Variants in ATG10 observed in about 807,000 individuals in gnomAD.
The protein encoded by ATG10 is autophagy related 10, also known as ubiquitin-like-conjugating enzyme ATG10.
Under a neutral mutation model 32.1 loss-of-function variants are expected in ATG10, and 30 were observed. The ratio of observed to expected loss-of-function variants is 0.94; its 90% CI spans 0.70 to 1.27. The LOEUF (loss-of-function observed/expected upper bound fraction) is 1.27, where lower values mean the gene tolerates loss of function less well. Ranked by LOEUF, ATG10 falls within the 50% of genes most tolerant of loss-of-function variation. The probability of loss-of-function intolerance (pLI) is 0.00; values close to 1 mark genes in which losing one functional copy is unlikely to be tolerated. For missense variants in ATG10, 233 were observed against 262.3 expected (o/e 0.89, Z 0.77); for synonymous variants, 87 against 91.5 (o/e 0.95, Z 0.28).
chr5:82,174,656 G>A (rs1743940076), intron 4 of ATG10, among the ~76,000 whole-genome samples: 1 of 152,154 alleles, frequency 6.6e-6, no homozygotes. Flanking sequence ...CAGTTCCATT[G>A]ACAGAATTAC....
intron 1 of ATG10, among the ~76,000 whole-genome samples, chr5:81,986,983 C>T (rs1224854961): frequency 6.6e-6 from 1 of 152,060 alleles, no homozygotes; most frequent in African/African-American, 2.4e-5. Flanking sequence ...ATGAAGATTG[C>T]AGTGAGCCGG....
chr5:82,025,199 C>T (rs901337270), intron 2 of ATG10, among the ~76,000 whole-genome samples: 3 of 152,052 alleles, frequency 2.0e-5, no homozygotes, highest in African/African-American at 4.8e-5. Context: ...TGCTGATACC[C>T]GGACAAGCAA....
intron 1 of ATG10, among the ~76,000 whole-genome samples, chr5:81,984,413 C>G (rs62367447): frequency 6.6e-6 from 1 of 152,118 alleles, no homozygotes; most frequent in Non-Finnish European, 1.5e-5. Flanking sequence ...AGAGGGAGAC[C>G]GTGGGGAGAG....
intron 1 of ATG10, among the ~76,000 whole-genome samples, chr5:81,974,495 T>C (rs1011593005): frequency 1.3e-5 from 2 of 152,234 alleles, no homozygotes; most frequent in East Asian, 3.8e-4. Context: ...ATCACTGTCA[T>C]GTAACATCTT....
intron 3 of ATG10, among the ~76,000 whole-genome samples, chr5:82,090,233 A>G (rs868635740): frequency 6.6e-6 from 1 of 152,176 alleles, no homozygotes; most frequent in Non-Finnish European, 1.5e-5. Flanking sequence ...TACAATTACC[A>G]TATGACCCAG....
At chr5:82,231,421 C>G (rs1019310747) in intron 5 of ATG10, among the ~76,000 whole-genome samples, 3 of 152,056 alleles carry the variant, frequency 2.0e-5, no homozygotes, top group African/African-American at 7.2e-5. Context: ...TATTTGTCTC[C>G]CCTAATACCT....
intron 2 of ATG10, among the ~76,000 whole-genome samples, chr5:82,031,585 A>G (rs1459671761): frequency 1.3e-5 from 2 of 152,262 alleles, no homozygotes; most frequent in African/African-American, 4.8e-5. Flanking sequence ...TAATGACATT[A>G]TAATGTGAAA....
intron 5 of ATG10, among the ~76,000 whole-genome samples, chr5:82,216,036 C>G (rs1745666838): frequency 6.6e-6 from 1 of 151,912 alleles, no homozygotes; most frequent in African/African-American, 2.4e-5. Context: ...CAGGCTTAAT[C>G]AATGTTTAGT....
At chr5:82,131,020 A>G (rs1766497167) in intron 3 of ATG10, among the ~76,000 whole-genome samples, 1 of 152,134 alleles carries the variant, frequency 6.6e-6, no homozygotes, top group South Asian at 2.1e-4. Context: ...GGAGCTAAGC[A>G]TCGAACACAC....
chr5:82,066,561 G>T (rs185350737), intron 3 of ATG10, among the ~76,000 whole-genome samples: 1 of 152,096 alleles, frequency 6.6e-6, no homozygotes, highest in Non-Finnish European at 1.5e-5. Context: ...TTAGACCAGG[G>T]CAGGTAGAAT....
chr5:82,040,071 CCAAACACG>C (rs552086395), intron 2 of ATG10, among the ~76,000 whole-genome samples: 31 of 152,128 alleles, frequency 2.0e-4, no homozygotes, highest in Non-Finnish European at 4.0e-4. Flanking sequence ...TCTCAGGGCT[CCAAACACG>C]AATCCAGAAA....
chr5:82,123,533 A>G (rs1459154497), intron 3 of ATG10, among the ~76,000 whole-genome samples: 2 of 152,064 alleles, frequency 1.3e-5, no homozygotes, highest in African/African-American at 4.8e-5. Flanking sequence ...GTAAAAAAAA[A>G]AAAAGCATAA....
chr5:82,097,747 A>G (rs1264730808), intron 3 of ATG10, among the ~76,000 whole-genome samples: 1 of 152,178 alleles, frequency 6.6e-6, no homozygotes, highest in Admixed American at 6.5e-5. Flanking sequence ...TATTGTTTGT[A>G]TTGGTCAAAA....
At chr5:82,210,807 A>G (rs1278645355) in intron 5 of ATG10, among the ~76,000 whole-genome samples, 2 of 152,208 alleles carry the variant, frequency 1.3e-5, no homozygotes, top group Non-Finnish European at 2.9e-5. Flanking sequence ...CAAGGAAAAT[A>G]GAGTCCTTAG....
chr5:82,080,278 G>T (rs564898360), intron 3 of ATG10, among the ~76,000 whole-genome samples: 1 of 152,220 alleles, frequency 6.6e-6, no homozygotes, highest in Non-Finnish European at 1.5e-5. Flanking sequence ...TGTCAGATGA[G>T]TAGATTGCAA....
intron 5 of ATG10, among the ~76,000 whole-genome samples, chr5:82,250,267 G>T (rs1215923716): frequency 9.2e-5 from 14 of 151,956 alleles, no homozygotes. Context: ...CCAAATCTCT[G>T]CATGGTTGTT....
intron 5 of ATG10, among the ~76,000 whole-genome samples, chr5:82,212,716 A>C (rs1198013952): frequency 6.6e-6 from 1 of 152,206 alleles, no homozygotes; most frequent in African/African-American, 2.4e-5. Context: ...ATTTGGTAAA[A>C]TCTAGCAAAA....
At chr5:82,082,155 G>T (rs4703867) in intron 3 of ATG10, among the ~76,000 whole-genome samples, 93 of 152,000 alleles carry the variant, frequency 6.1e-4, no homozygotes, top group East Asian at 2.5e-3. Flanking sequence ...GAGATTTGGG[G>T]GGGGGGACAC....
intron 5 of ATG10, among the ~76,000 whole-genome samples, chr5:82,225,118 A>G (rs1746072147): frequency 6.6e-6 from 1 of 152,186 alleles, no homozygotes; most frequent in African/African-American, 2.4e-5. Flanking sequence ...GAGTCCTTGC[A>G]CCCTTTTAAT....
Sources: gnomAD v4.1 joint callset for allele counts (sites outside exome capture counted in the v4.1 genomes callset) on GRCh38, gnomAD v4.1.1 for gene constraint, MANE v1.5 for transcripts, NCBI Gene and HGNC (gene_info 2026-07-23, HGNC 2026-07-21) for gene names.